TMEM117: variants seen among roughly 807,000 people sequenced by gnomAD.
TMEM117 encodes transmembrane protein 117.
A neutral mutation model predicts 52.4 loss-of-function variants in TMEM117; 27 were observed. That is an observed-to-expected ratio of 0.51 (90% CI 0.38 to 0.71). TMEM117 has a LOEUF of 0.71. Ranked by LOEUF, TMEM117 falls within the 30% of genes least tolerant of loss-of-function variation. The pLI is 0.00. For synonymous variants in TMEM117, 215 were observed against 206.3 expected (o/e 1.04, Z -0.36); for missense variants, 556 against 630.5 (o/e 0.88, Z 1.26).
At chr12:43,863,522 G>A (rs1315085029) in intron 2 of TMEM117, among the ~76,000 whole-genome samples, 1 of 152,148 alleles carries the variant, frequency 6.6e-6, no homozygotes, top group Non-Finnish European at 1.5e-5. Context: ...CTCTTGATTT[G>A]GGGACTCAGA....
chr12:43,967,418 C>T (rs1046008072), intron 3 of TMEM117, among the ~76,000 whole-genome samples: 8 of 152,180 alleles, frequency 5.3e-5, no homozygotes, highest in Admixed American at 2.0e-4. Context: ...CCACTGCACC[C>T]AGCCACATGT....
chr12:43,967,357 C>T (rs545781143), intron 3 of TMEM117, among the ~76,000 whole-genome samples: 77 of 152,136 alleles, frequency 5.1e-4, no homozygotes, highest in South Asian at 5.0e-3. Flanking sequence ...CTCCTGGACT[C>T]GAGCGATCCT....
At chr12:44,203,992 T>C (rs12297689) in intron 4 of TMEM117, among the ~76,000 whole-genome samples, 40,912 of 152,056 alleles carry the variant, frequency 0.27, 9,970 homozygotes, top group African/African-American at 0.65. Context: ...TGGATGCATT[T>C]CCCCTGAGAA....
intron 4 of TMEM117, among the ~76,000 whole-genome samples, chr12:44,161,280 A>G (rs1948894868): frequency 6.6e-6 from 1 of 152,174 alleles, no homozygotes; most frequent in Admixed American, 6.5e-5. Flanking sequence ...AACCTATCAT[A>G]TTAATAATGG....
At chr12:43,914,515 A>G (rs1340004753) in intron 2 of TMEM117, among the ~76,000 whole-genome samples, 2 of 152,200 alleles carry the variant, frequency 1.3e-5, no homozygotes, top group Non-Finnish European at 2.9e-5. Flanking sequence ...AGAACAAGAC[A>G]GACACAGGCC....
intron 4 of TMEM117, among the ~76,000 whole-genome samples, chr12:44,155,113 T>C (rs554296439): frequency 6.6e-6 from 1 of 152,176 alleles, no homozygotes; most frequent in Admixed American, 6.6e-5. Context: ...CATTTTGAGA[T>C]AAAAAAACTC....
At position 44,092,796 on chromosome 12, in the gene TMEM117, C is replaced by T. The variant is rs570460788; in HGVS notation, c.411-50729C>T. Among the ~76,000 whole-genome samples the T allele has an allele frequency of 6.6e-5, 10 of 152,266 alleles. No homozygotes were observed. The South Asian group carries it at 2.1e-3, about 32-fold the overall frequency. On this transcript the variant is annotated intron_variant, in intron 3 of 7. Transcript: ENST00000266534. ...TAGTTTTTGAGCTCCAACTCTCTGC[C>T]AGGGGGTGAACCATACAAGGCAGAC... is the stretch of plus-strand genomic sequence containing the variant.
chr12:43,843,755 AGTT>A (rs1943153316), intron 1 of TMEM117, among the ~76,000 whole-genome samples: 1 of 152,208 alleles, frequency 6.6e-6, no homozygotes, highest in African/African-American at 2.4e-5. Context: ...CCCAATGCAA[AGTT>A]GCCCAGTCCT....
At chr12:43,853,182 G>T (rs74775231) in intron 2 of TMEM117, among the ~76,000 whole-genome samples, 5,700 of 152,252 alleles carry the variant, frequency 0.037, 268 homozygotes, top group African/African-American at 0.1. Context: ...TTAATTTTCA[G>T]TGCCTAAAAC....
intron 6 of TMEM117, among the ~76,000 whole-genome samples, chr12:44,349,008 C>T (rs1336993523): frequency 2.6e-5 from 4 of 151,980 alleles, no homozygotes; most frequent in Non-Finnish European, 4.4e-5. Context: ...AAACAACATG[C>T]TTTGGTTGAA....
chr12:44,156,284 T>C (rs935119643), intron 4 of TMEM117, among the ~76,000 whole-genome samples: 1 of 152,082 alleles, frequency 6.6e-6, no homozygotes, highest in African/African-American at 2.4e-5. Context: ...GTACTTAATA[T>C]GCATTGTGGA....
At chr12:44,096,526 A>G (rs1359028670) in intron 3 of TMEM117, among the ~76,000 whole-genome samples, 2 of 152,082 alleles carry the variant, frequency 1.3e-5, no homozygotes, top group East Asian at 1.9e-4. Flanking sequence ...ATATAGATCA[A>G]TGGAACAGAA....
At chr12:44,289,895 G>T (rs1040565750) in intron 5 of TMEM117, among the ~76,000 whole-genome samples, 7 of 151,942 alleles carry the variant, frequency 4.6e-5, no homozygotes, top group African/African-American at 1.7e-4. Context: ...TTGTCTTTTT[G>T]ATAATAACCA....
chr12:44,098,386 A>G (rs1208600794), intron 3 of TMEM117, among the ~76,000 whole-genome samples: 1 of 151,832 alleles, frequency 6.6e-6, no homozygotes, highest in African/African-American at 2.4e-5. Context: ...ATTTTTGCCT[A>G]TTATTACAGA....
Position 43,888,594 on chromosome 12 carries a change from C to A in TMEM117, c.277+43666C>A, listed in dbSNP as rs375340690. 4.0e-4 allele frequency among the ~76,000 whole-genome samples: 55 copies of A among 137,460 alleles called. No homozygotes were observed. In the East Asian group the frequency reaches 0.012, roughly 29 times the overall value. The allele number at this position is 137,460 out of a possible 152,430, so 90.2% of individuals were successfully genotyped here. A position where few individuals can be genotyped will look rare whatever the true frequency, so the allele number is the denominator to read the frequency against. On this transcript the variant is annotated intron_variant, in intron 2 of 7. Transcript: ENST00000266534. Reference sequence around the variant, plus strand: ...ATGGAGTCTTGCTCTATCACCCAGGCTGGAGTGCAGTGGCATGATCTCGGC... The same window carrying A: ...ATGGAGTCTTGCTCTATCACCCAGGATGGAGTGCAGTGGCATGATCTCGGC...
At chr12:44,238,978 A>G (rs75701962) in intron 5 of TMEM117, among the ~76,000 whole-genome samples, 2 of 152,276 alleles carry the variant, frequency 1.3e-5, no homozygotes, top group East Asian at 3.9e-4. Flanking sequence ...TATTGTGACA[A>G]TCATGGCACA....
At chr12:43,899,324 G>A (rs1465645514) in intron 2 of TMEM117, among the ~76,000 whole-genome samples, 3 of 152,168 alleles carry the variant, frequency 2.0e-5, no homozygotes, top group Non-Finnish European at 4.4e-5. Flanking sequence ...ATAAACCACA[G>A]TGACAATTTA....
chr12:44,146,720 A>C (rs892632867), intron 4 of TMEM117, among the ~76,000 whole-genome samples: 2 of 152,186 alleles, frequency 1.3e-5, no homozygotes, highest in Non-Finnish European at 2.9e-5. Flanking sequence ...TCATGAGAGA[A>C]GTCTAACGTA....
Position 44,388,464 on chromosome 12 carries a change from T to A in TMEM117, c.1337T>A (p.Met446Lys). 6.2e-7 allele frequency: 1 copy of A among 1,613,390 alleles called. No homozygotes were observed. The highest frequency in any genetic ancestry group is 1.7e-5 in the Admixed American group (1 of 59,910). Residue 446 changes from methionine to lysine, a missense_variant, in exon 8 of 8, where the codon ATG (methionine) becomes AAG (lysine). Met to Lys is a moderately conservative substitution (Grantham distance 95, BLOSUM62 -1). Around this residue, in one of 3 missense-constraint regions of TMEM117, gnomAD observed 206 missense variants for 211.1 expected, o/e 0.98. Coordinates refer to ENST00000266534, the MANE Select transcript of TMEM117 (RefSeq NM_032256.3). ...RKSPSEHSKDMGITRENTQAS... is the reference protein window; with the variant it reads ...RKSPSEHSKDKGITRENTQAS... ...TCTCCATCAGAACATAGCAAAGACA[T>A]GGGAATCACTCGAGAAAACACCCAG... is the stretch of plus-strand genomic sequence containing the variant.
Sources: gnomAD v4.1 joint callset for allele counts (sites outside exome capture counted in the v4.1 genomes callset) on GRCh38, gnomAD v4.1.1 for gene constraint, gnomAD v4.1.1 regional missense constraint, MANE v1.5 for transcripts, NCBI Gene and HGNC (gene_info 2026-07-23, HGNC 2026-07-21) for gene names.